Variants in PDLIM5 observed in about 807,000 individuals in gnomAD.
The protein encoded by PDLIM5 is PDZ and LIM domain 5.
PDLIM5 carries 34 observed loss-of-function variants against 64.2 expected under a neutral mutation model. The ratio of observed to expected loss-of-function variants is 0.53; its 90% CI spans 0.40 to 0.71. The LOEUF (loss-of-function observed/expected upper bound fraction) is 0.71, where lower values mean the gene tolerates loss of function less well. Among genes scored for constraint, PDLIM5 ranks in the 30% least tolerant of loss-of-function variants. PDLIM5 has a pLI of 0.00. For missense variants in PDLIM5, 683 were observed against 733.6 expected (o/e 0.93, Z 0.80); for synonymous variants, 253 against 269.1 (o/e 0.94, Z 0.59).
intron 11 of PDLIM5, among the ~76,000 whole-genome samples, chr4:94,660,668 C>T (rs1742622940): frequency 6.6e-6 from 1 of 152,150 alleles, no homozygotes; most frequent in Non-Finnish European, 1.5e-5. Flanking sequence ...CAATGCCTGG[C>T]ACACAGTAGA....
chr4:94,492,564 G>A (rs1285458212), intron 2 of PDLIM5, among the ~76,000 whole-genome samples: 1 of 152,074 alleles, frequency 6.6e-6, no homozygotes. Flanking sequence ...TCTCCTGGCA[G>A]CCATCAGTCT....
In PDLIM5 at chr4:94,466,449, A is replaced by G. The variant is rs1015165793; in HGVS notation, c.96+11065A>G. On this transcript the variant is annotated intron_variant, in intron 2 of 12. Coordinates refer to ENST00000317968, the MANE Select transcript of PDLIM5 (RefSeq NM_006457.5). ...TTGACACAGACTTTGAATTTAGGAT[A>G]TTTAGGGATTCATTAGATTCCACAT... Among the ~76,000 whole-genome samples, 8 of 152,320 alleles carry G rather than the reference A, an allele frequency of 5.3e-5. No homozygotes were observed. The South Asian group carries it at 1.7e-3, about 32-fold the overall frequency.
chr4:94,579,516 T>C (rs375319778), intron 5 of PDLIM5: 128 of 1,369,036 alleles, frequency 9.3e-5, no homozygotes, highest in Non-Finnish European at 1.3e-4. Flanking sequence ...CTTTTCTCTT[T>C]GCAGAAAACA....
intron 3 of PDLIM5, among the ~76,000 whole-genome samples, chr4:94,542,324 A>T (rs1452309167): frequency 6.6e-6 from 1 of 151,436 alleles, no homozygotes; most frequent in Admixed American, 6.6e-5. Context: ...ATAAATAAAT[A>T]AATAAATAAA....
intron 2 of PDLIM5, among the ~76,000 whole-genome samples, chr4:94,459,493 A>T (rs940236128): frequency 1.3e-5 from 2 of 152,334 alleles, no homozygotes; most frequent in African/African-American, 4.8e-5. Context: ...CCTGTTTGGG[A>T]GTCTAACACA....
chr4:94,585,016 T>A (rs1274776091), intron 5 of PDLIM5: 1 of 1,368,700 alleles, frequency 7.3e-7, no homozygotes, highest in Non-Finnish European at 1.0e-6. Context: ...AATCTTTCTG[T>A]TGAATACATT....
At chr4:94,592,943 A>G (rs1736782651) in intron 7 of PDLIM5, among the ~76,000 whole-genome samples, 1 of 151,970 alleles carries the variant, frequency 6.6e-6, no homozygotes. Context: ...ACAATCATAC[A>G]TTCTCACCTA....
At position 94,601,858 on chromosome 4, in the gene PDLIM5, T is replaced by G. The variant is rs149868899; in HGVS notation, c.920+15414T>G. Among the ~76,000 whole-genome samples, 13 of 152,312 alleles carry G rather than the reference T, an allele frequency of 8.5e-5. No individual in the cohort carries two copies. In the East Asian group the frequency reaches 2.5e-3, roughly 29 times the overall value. ...AATTCCCACCTGAGGTTTAGTTGAT[T>G]TAGTTTTCCAGAAGGGAGATCATAG... is the stretch of plus-strand genomic sequence containing the variant. On this transcript the variant is annotated intron_variant, in intron 7 of 12. Coordinates refer to ENST00000317968, the MANE Select transcript of PDLIM5 (RefSeq NM_006457.5).
chr4:94,648,668 C>T (rs954067729), intron 9 of PDLIM5, among the ~76,000 whole-genome samples: 28 of 152,316 alleles, frequency 1.8e-4, no homozygotes, highest in Non-Finnish European at 3.4e-4. Context: ...TCGCACCAGG[C>T]TGAAATCATG....
rs140880351 is a variant in PDLIM5, at chr4:94,632,059, G to A, written c.1109-8217G>A. Among the ~76,000 whole-genome samples the A allele has an allele frequency of 4.1e-3, 618 of 152,230 alleles. 4 individuals carry two copies. The highest frequency in any genetic ancestry group is 0.014 in the African/African-American group (585 of 41,518). Reference sequence around the variant, plus strand: ...ACTGTGAACACACGCATAGCGTAGCGCCTGCCGCATTACAGGCTCTTAGCA... The same window carrying A: ...ACTGTGAACACACGCATAGCGTAGCACCTGCCGCATTACAGGCTCTTAGCA... On this transcript the variant is annotated intron_variant, in intron 8 of 12. Transcript: ENST00000317968.
At chr4:94,557,538 G>A (rs1315129622) in intron 3 of PDLIM5, among the ~76,000 whole-genome samples, 1 of 152,162 alleles carries the variant, frequency 6.6e-6, no homozygotes, top group Non-Finnish European at 1.5e-5. Flanking sequence ...CTATCCATGA[G>A]CATGGAATGT....
intron 7 of PDLIM5, chr4:94,587,163 A>G (rs916299884): frequency 1.9e-5 from 28 of 1,498,714 alleles, no homozygotes; most frequent in Non-Finnish European, 2.4e-5. Context: ...CAAAATCTGT[A>G]TTAAATTTGC....
chr4:94,630,756 A>G (rs762889031), intron 8 of PDLIM5, among the ~76,000 whole-genome samples: 19 of 152,180 alleles, frequency 1.2e-4, no homozygotes, highest in Non-Finnish European at 2.4e-4. Flanking sequence ...AAAATAAGGA[A>G]TCAAAATGTA....
intron 3 of PDLIM5, among the ~76,000 whole-genome samples, chr4:94,555,303 C>T (rs1244929236): frequency 1.3e-5 from 2 of 152,204 alleles, no homozygotes; most frequent in African/African-American, 4.8e-5. Flanking sequence ...GATCCGCCTG[C>T]TTTGGCTTCC....
chr4:94,659,790 A>G (rs1405968068), intron 11 of PDLIM5, among the ~76,000 whole-genome samples: 1 of 151,432 alleles, frequency 6.6e-6, no homozygotes, highest in Middle Eastern at 3.2e-3. Context: ...AGCCTCCCAA[A>G]GTGCTGGGAT....
rs866094862 is a variant in PDLIM5, at chr4:94,525,605, A to G, written c.248+1730A>G. ...GGTGATTGCTAGTGAAAGGATTTCT[A>G]TAGGATAAATTATATTTACCTGAGT... is the stretch of plus-strand genomic sequence containing the variant. On this transcript the variant is annotated intron_variant, in intron 3 of 12. Transcript: ENST00000317968. Among the ~76,000 whole-genome samples the G allele has an allele frequency of 3.3e-5, 5 of 152,340 alleles. No individual in the cohort carries two copies. In the East Asian group the frequency reaches 5.8e-4, roughly 18 times the overall value.
intron 3 of PDLIM5, among the ~76,000 whole-genome samples, chr4:94,569,833 GCTTT>G (rs1409772551): frequency 6.6e-6 from 1 of 152,108 alleles, no homozygotes; most frequent in Non-Finnish European, 1.5e-5. Flanking sequence ...TTGACAAAAT[GCTTT>G]CTTTCTTAGT....
At chr4:94,553,064 G>A (rs566331066) in intron 3 of PDLIM5, among the ~76,000 whole-genome samples, 3 of 151,460 alleles carry the variant, frequency 2.0e-5, no homozygotes, top group Admixed American at 6.6e-5. Flanking sequence ...ACTTCTCCTA[G>A]TATTTACCTT....
rs1215306816 is a variant in PDLIM5, at chr4:94,506,965, C to A, written c.97-16759C>A. 2.6e-5 allele frequency among the ~76,000 whole-genome samples: 4 copies of A among 152,208 alleles called. No individual in the cohort carries two copies. In the East Asian group the frequency reaches 7.7e-4, roughly 29 times the overall value. On this transcript the variant is annotated intron_variant, in intron 2 of 12. Coordinates refer to ENST00000317968, the MANE Select transcript of PDLIM5 (RefSeq NM_006457.5). ...TTTCTCCCACGCTGGATGCTTCCTT[C>A]TGTTCCTCCTGCCTTTGGACCTCAG... is the stretch of plus-strand genomic sequence containing the variant.
Sources: gnomAD v4.1 joint callset for allele counts (sites outside exome capture counted in the v4.1 genomes callset) on GRCh38, gnomAD v4.1.1 for gene constraint, MANE v1.5 for transcripts, NCBI Gene and HGNC (gene_info 2026-07-23, HGNC 2026-07-21) for gene names.